BRI3: variants seen among roughly 807,000 people sequenced by gnomAD.
The protein encoded by BRI3 is brain protein I3.
Under a neutral mutation model 12.8 loss-of-function variants are expected in BRI3, and 6 were observed. The ratio of observed to expected loss-of-function variants is 0.47; its 90% CI spans 0.26 to 0.93. The LOEUF (loss-of-function observed/expected upper bound fraction) is 0.93, where lower values mean the gene tolerates loss of function less well. BRI3 is among the 40% of genes least tolerant of loss of function. The pLI is 0.15. For missense variants in BRI3, 134 were observed against 171.1 expected (o/e 0.78, Z 1.21); for synonymous variants, 91 against 76.1 (o/e 1.20, Z -1.02).
upstream of BRI3, among the ~76,000 whole-genome samples, chr7:98,302,958 A>G (rs1229860625): frequency 2.6e-5 from 4 of 151,866 alleles, no homozygotes; most frequent in Non-Finnish European, 5.9e-5. Flanking sequence ...CTAATTTTTT[A>G]TATTTTTTGT....
chr7:98,282,229 G>A, intron 1 of BRI3, 122 bp from the exon 2 acceptor site: 3 of 938,276 alleles, frequency 3.2e-6, no homozygotes, highest in Non-Finnish European at 4.8e-6. Context: ...TGGCCGTCCC[G>A]AGGGTGGAAA....
At chr7:98,293,968 T>C (rs1800076256), downstream of BRI3, 10 of 1,339,250 alleles carry the variant, frequency 7.5e-6, no homozygotes, top group South Asian at 1.2e-4. Flanking sequence ...GGCCGAGGCC[T>C]TTCTCAGGCT....
At chr7:98,315,312 G>GTCTCT, downstream of BRI3, 1 of 584,872 alleles carries the variant, frequency 1.7e-6, no homozygotes, top group Non-Finnish European at 2.5e-6. Context: ...ATTTTTTATA[G>GTCTCT]AGACAGAGTT....
chr7:98,315,712 G>A, the BRI3 span: 4 of 509,222 alleles, frequency 7.9e-6, no homozygotes, highest in African/African-American at 3.9e-5. Context: ...CTTTACACCT[G>A]CTTTATTTGA....
downstream of BRI3, chr7:98,292,894 T>C (rs914930280): frequency 1.1e-5 from 16 of 1,425,654 alleles, no homozygotes; most frequent in Admixed American, 3.9e-4. Context: ...CGTCGAGTGC[T>C]ACGTGTGGCT....
chr7:98,317,069 T>C, the BRI3 span: 2 of 942,622 alleles, frequency 2.1e-6, no homozygotes, highest in South Asian at 3.2e-5. Context: ...GCCAGGCTGG[T>C]CTCGAACTCC....
exon 2 of BRI3, chr7:98,309,976 A>T (rs2116870310): frequency 6.4e-6 from 1 of 156,752 alleles, no homozygotes; most frequent in Admixed American, 6.5e-5. Context: ...CAGCCTCCCG[A>T]GTAGCTGGGA....
exon 2 of BRI3, chr7:98,310,142 C>T (rs941794347): frequency 3.4e-5 from 9 of 268,648 alleles, no homozygotes; most frequent in South Asian, 1.3e-4. Flanking sequence ...TGAGCCACCG[C>T]GCCTGGCCTC....
downstream of BRI3, chr7:98,312,294 CAAA>C (rs752104805): frequency 6.3e-7 from 1 of 1,575,912 alleles, no homozygotes; most frequent in Non-Finnish European, 8.6e-7. Flanking sequence ...AGACTAAAGA[CAAA>C]GAAGATTGTC....
At chr7:98,322,800 CA>C in the BRI3 span, 2 of 152,380 alleles carry the variant, frequency 1.3e-5, no homozygotes, top group African/African-American at 2.4e-5. Flanking sequence ...ACCTTCCTCA[CA>C]GATGCCAGGG....
Position 98,281,782 on chromosome 7 carries a change from G to A in BRI3, c.-14G>A, listed in dbSNP as rs1799523379. The A allele has an allele frequency of 2.1e-5, 23 of 1,117,116 alleles. No individual in the cohort carries two copies. The highest frequency in any genetic ancestry group is 2.2e-5 in the Non-Finnish European group (20 of 914,986). 69.2% of individuals were successfully genotyped at this position (1,117,116 alleles called of 1,614,324 possible). A position where few individuals can be genotyped will look rare whatever the true frequency, so the allele number is the denominator to read the frequency against. On this transcript the variant is annotated 5_prime_UTR_variant, in exon 1 of 3. Coordinates refer to ENST00000297290, the MANE Select transcript of BRI3 (RefSeq NM_015379.5). ...GCCGAGCCGGGCCGGAGCGGCGGGC[G>A]CGGCCGGGCCGCCATGGACCACAAG...
intron 1 of BRI3, chr7:98,307,428 CAAA>C: frequency 7.6e-7 from 1 of 1,318,730 alleles, no homozygotes; most frequent in African/African-American, 1.5e-5. Flanking sequence ...TTTTTAAAAA[CAAA>C]AGAATGTTTA....
At chr7:98,290,480 C>T (rs1017607932) in intron 2 of BRI3, among the ~76,000 whole-genome samples, 8 of 151,480 alleles carry the variant, frequency 5.3e-5, no homozygotes, top group Non-Finnish European at 8.8e-5. Context: ...CAGGCGTGAG[C>T]CACCGCGCCC....
chr7:98,299,109 G>A (rs905259532), intron 1 of BRI3, among the ~76,000 whole-genome samples: 7 of 152,120 alleles, frequency 4.6e-5, no homozygotes, highest in African/African-American at 9.6e-5. Context: ...TCTGCCTCCC[G>A]GGTTCAACTG....
chr7:98,281,998 A>T, intron 1 of BRI3, 61 bp downstream of exon 1: 1 of 1,281,850 alleles, frequency 7.8e-7, no homozygotes, highest in Non-Finnish European at 9.8e-7. Context: ...CGGTCGGGGG[A>T]CGTGGGTCCG....
At chr7:98,310,182 AG>A in exon 2 of BRI3, 1 of 399,570 alleles carries the variant, frequency 2.5e-6, no homozygotes, top group Non-Finnish European at 4.4e-6. Flanking sequence ...AATTCTCAAC[AG>A]TATGTTTACT....
At chr7:98,293,094 T>C (rs1332201610), downstream of BRI3, 3 of 526,880 alleles carry the variant, frequency 5.7e-6, no homozygotes, top group East Asian at 9.3e-5. Context: ...TTACGTGATA[T>C]CTTCTTTAGA....
downstream of BRI3, among the ~76,000 whole-genome samples, chr7:98,295,299 T>G (rs1046991211): frequency 6.6e-6 from 1 of 152,088 alleles, no homozygotes; most frequent in African/African-American, 2.4e-5. Context: ...TGTCCCACCC[T>G]CCCCAGATCC....
upstream of BRI3, chr7:98,304,112 C>T (rs1304887128): frequency 2.9e-6 from 4 of 1,397,402 alleles, no homozygotes; most frequent in Non-Finnish European, 3.8e-6. Context: ...CAGAGCAGAG[C>T]AAGGCGGTCA....
Sources: gnomAD v4.1 joint callset for allele counts (sites outside exome capture counted in the v4.1 genomes callset) on GRCh38, gnomAD v4.1.1 for gene constraint, MANE v1.5 for transcripts, NCBI Gene and HGNC (gene_info 2026-07-23, HGNC 2026-07-21) for gene names.